SLC44A1: variants seen among roughly 807,000 people sequenced by gnomAD.
SLC44A1 encodes the protein choline transporter-like protein 1.
A neutral mutation model predicts 79.3 loss-of-function variants in SLC44A1; 26 were observed. That is an observed-to-expected ratio of 0.33 (90% CI 0.24 to 0.46). The LOEUF (loss-of-function observed/expected upper bound fraction) is 0.46, where lower values mean the gene tolerates loss of function less well. SLC44A1 is among the 20% of genes least tolerant of loss of function. SLC44A1 has a pLI of 1.00. For synonymous variants in SLC44A1, 263 were observed against 286.2 expected (o/e 0.92, Z 0.82); for missense variants, 688 against 798.1 (o/e 0.86, Z 1.66).
At chr9:105,354,152 G>A (rs1013252615) in intron 5 of SLC44A1, among the ~76,000 whole-genome samples, 7 of 136,678 alleles carry the variant, frequency 5.1e-5, no homozygotes, top group East Asian at 4.7e-4. Flanking sequence ...CCGGGTTCAC[G>A]CCATTCTCCT....
At chr9:105,399,770 T>C (rs1230817259), downstream of SLC44A1, among the ~76,000 whole-genome samples, 1 of 152,136 alleles carries the variant, frequency 6.6e-6, no homozygotes, top group Non-Finnish European at 1.5e-5. Context: ...GCTCAAGCAA[T>C]GCATGATCTC....
intron 15 of SLC44A1, among the ~76,000 whole-genome samples, chr9:105,416,083 G>C (rs1829167352): frequency 6.6e-6 from 1 of 151,664 alleles, no homozygotes; most frequent in South Asian, 2.1e-4. Context: ...TATATTTTTA[G>C]TAGAGGTTTC....
At chr9:105,339,812 C>A (rs1827030716) in intron 4 of SLC44A1, among the ~76,000 whole-genome samples, 1 of 151,904 alleles carries the variant, frequency 6.6e-6, no homozygotes, top group African/African-American at 2.4e-5. Context: ...CAGAGTGAGA[C>A]CCTGTCTCAA....
chr9:105,362,905 A>C lies in SLC44A1; in HGVS notation c.985A>C (p.Ile329Leu), dbSNP rs763889810. Residue 329 changes from isoleucine to leucine, a missense_variant, in exon 9 of 16, where the codon ATT (isoleucine) becomes CTT (leucine). Physicochemically the swap from Ile to Leu is conservative, Grantham distance 5. Coordinates refer to ENST00000374720, the MANE Select transcript of SLC44A1 (RefSeq NM_080546.5). Reference protein sequence around the residue: ...ALFHVAGKVFIHLPLLVFQPF... With the variant: ...ALFHVAGKVFLHLPLLVFQPF... ...GTTCCACGTAGCTGGCAAGGTCTTC[A>C]TTCACTTGCCACTGCTAGTCTTCCA... The C allele has an allele frequency of 1.2e-6, 2 of 1,613,928 alleles. No individual in the cohort carries two copies. Among genetic ancestry groups the C allele is most frequent in the Admixed American group, 3.3e-5 (2 of 59,974 alleles).
At chr9:105,292,833 T>C (rs985162180) in intron 1 of SLC44A1, among the ~76,000 whole-genome samples, 2 of 152,234 alleles carry the variant, frequency 1.3e-5, no homozygotes, top group African/African-American at 4.8e-5. Flanking sequence ...TCAAGTATTT[T>C]GTGTGGTGCC....
chr9:105,438,224 C>A, intron 15 of SLC44A1: 1 of 1,468,232 alleles, frequency 6.8e-7, no homozygotes, highest in Non-Finnish European at 9.3e-7. Flanking sequence ...GATTACTTCT[C>A]ATTGTGTCAT....
intron 15 of SLC44A1, among the ~76,000 whole-genome samples, chr9:105,425,593 C>T (rs762053015): frequency 1.3e-5 from 2 of 152,084 alleles, no homozygotes; most frequent in Non-Finnish European, 2.9e-5. Context: ...GAGGTCGAGG[C>T]GGGCAGATCA....
chr9:105,261,855 C>A (rs1300555856), intron 1 of SLC44A1, among the ~76,000 whole-genome samples: 4 of 149,670 alleles, frequency 2.7e-5, no homozygotes, highest in Non-Finnish European at 5.9e-5. Flanking sequence ...TCTCGGCTCA[C>A]TGCAGCCTCT....
intron 2 of SLC44A1, among the ~76,000 whole-genome samples, chr9:105,307,031 G>A (rs1478100063): frequency 1.3e-5 from 2 of 152,136 alleles, no homozygotes; most frequent in African/African-American, 4.8e-5. Context: ...GTTTTTGTTA[G>A]TGTCCAGTTA....
chr9:105,367,088 A>G (rs1827964360), intron 12 of SLC44A1, among the ~76,000 whole-genome samples: 1 of 152,012 alleles, frequency 6.6e-6, no homozygotes, highest in African/African-American at 2.4e-5. Flanking sequence ...CTATCTTTCT[A>G]TATCTGAGGA....
intron 3 of SLC44A1, among the ~76,000 whole-genome samples, chr9:105,334,744 T>C (rs1826858929): frequency 6.6e-6 from 1 of 152,224 alleles, no homozygotes; most frequent in Admixed American, 6.5e-5. Flanking sequence ...TCATCTACTT[T>C]ATAACATTAA....
intron 4 of SLC44A1, among the ~76,000 whole-genome samples, chr9:105,336,595 C>T (rs185989702): frequency 4.0e-4 from 61 of 152,264 alleles, no homozygotes; most frequent in African/African-American, 1.4e-3. Flanking sequence ...TGATCCTGCC[C>T]AGATCCACAG....
intron 5 of SLC44A1, among the ~76,000 whole-genome samples, chr9:105,354,204 C>T (rs542213287): frequency 6.6e-5 from 10 of 150,406 alleles, no homozygotes; most frequent in Non-Finnish European, 1.2e-4. Flanking sequence ...GCGCCCGCTA[C>T]CACGCCCGGC....
chr9:105,324,551 C>T (rs1452024711), intron 3 of SLC44A1, among the ~76,000 whole-genome samples: 1 of 152,096 alleles, frequency 6.6e-6, no homozygotes, highest in Non-Finnish European at 1.5e-5. Flanking sequence ...CCACGCCTGG[C>T]CTCCAAGTGC....
At chr9:105,315,499 G>A (rs1484243327) in intron 3 of SLC44A1, among the ~76,000 whole-genome samples, 1 of 151,888 alleles carries the variant, frequency 6.6e-6, no homozygotes, top group African/African-American at 2.4e-5. Flanking sequence ...TAGTGTCTCT[G>A]GTTCAGTCTA....
intron 4 of SLC44A1, among the ~76,000 whole-genome samples, chr9:105,345,636 T>C (rs974817296): frequency 2.6e-5 from 4 of 152,080 alleles, no homozygotes; most frequent in Non-Finnish European, 5.9e-5. Context: ...TTAGGGGAGT[T>C]GATATAACTG....
chr9:105,294,643 AGGGG>A (rs1203582230), intron 1 of SLC44A1: 1 of 151,990 alleles, frequency 6.6e-6, no homozygotes, highest in African/African-American at 2.4e-5. Flanking sequence ...TAATAGGTGT[AGGGG>A]GTGTGTGTTT....
In SLC44A1 at chr9:105,244,748, C is replaced by T. The variant is rs1164957941; in HGVS notation, c.-121C>T. 2.2e-6 allele frequency: 1 copy of T among 454,206 alleles called. No individual in the cohort carries two copies. 28.1% of individuals were successfully genotyped at this position (454,206 alleles called of 1,614,324 possible). A position where few individuals can be genotyped will look rare whatever the true frequency, so the allele number is the denominator to read the frequency against. On this transcript the variant is annotated 5_prime_UTR_variant, in exon 1 of 16. Coordinates refer to ENST00000374720, the MANE Select transcript of SLC44A1 (RefSeq NM_080546.5). ...TACCAGCCGCCGCTGCAGCCGCCGC[C>T]GCCGCCTAGCCGTGCGGTGCCAGGC...
At chr9:105,382,316 T>A (rs745699850) in intron 13 of SLC44A1, among the ~76,000 whole-genome samples, 3 of 152,172 alleles carry the variant, frequency 2.0e-5, no homozygotes, top group Non-Finnish European at 2.9e-5. Context: ...CCACAAAAAA[T>A]TTAAAATGCT....
Sources: gnomAD v4.1 joint callset for allele counts (sites outside exome capture counted in the v4.1 genomes callset) on GRCh38, gnomAD v4.1.1 for gene constraint, MANE v1.5 for transcripts, NCBI Gene and HGNC (gene_info 2026-07-23, HGNC 2026-07-21) for gene names.